Variants in KAT7 observed in about 807,000 individuals in gnomAD.
The protein encoded by KAT7 is lysine acetyltransferase 7.
KAT7 carries 10 observed loss-of-function variants against 82.1 expected under a neutral mutation model. The observed-to-expected ratio is 0.12, with a 90% CI of 0.08 to 0.21. KAT7 has a LOEUF of 0.21. Among genes scored for constraint, KAT7 ranks in the 10% least tolerant of loss-of-function variants. The pLI, the probability that KAT7 is intolerant of heterozygous loss-of-function variation, is 1.00. For missense variants in KAT7, 378 were observed against 760.9 expected (o/e 0.50, Z 5.92); for synonymous variants, 250 against 262.5 (o/e 0.95, Z 0.46).
At chr17:49,801,924 T>TA (rs1471436132) in intron 4 of KAT7, among the ~76,000 whole-genome samples, 1 of 152,252 alleles carries the variant, frequency 6.6e-6, no homozygotes, top group African/African-American at 2.4e-5. Context: ...GTGCCACAGA[T>TA]ACAAAACTTC....
At chr17:49,820,848 G>A (rs529167256) in intron 9 of KAT7, among the ~76,000 whole-genome samples, 3 of 151,502 alleles carry the variant, frequency 2.0e-5, no homozygotes, top group African/African-American at 4.9e-5. Context: ...GGGCAGACAG[G>A]TAGTGGTACA....
In KAT7 at chr17:49,826,690, C is replaced by T. The variant is rs371527140; in HGVS notation, c.1628-3C>T. On this transcript the variant is annotated splice_polypyrimidine_tract_variant and splice_region_variant and intron_variant, in intron 13 of 14. Transcript: ENST00000259021. ...CAGGTTGTCAGTACTTCTTCTGTTTCAGAAATCAGTCAGGAGACGGCTGTG... is the reference window on the plus strand; with the variant it reads ...CAGGTTGTCAGTACTTCTTCTGTTTTAGAAATCAGTCAGGAGACGGCTGTG... 6 of 1,607,476 alleles carry T rather than the reference C, an allele frequency of 3.7e-6. No homozygotes were observed. Among genetic ancestry groups the T allele is most frequent in the Non-Finnish European group, 5.1e-6 (6 of 1,176,068 alleles).
intron 11 of KAT7, among the ~76,000 whole-genome samples, chr17:49,822,506 C>T (rs560649028): frequency 3.6e-4 from 55 of 152,284 alleles, no homozygotes; most frequent in African/African-American, 1.3e-3. Flanking sequence ...GCTAGGATTA[C>T]AGGTGTGAGC....
Position 49,815,933 on chromosome 17 carries a change from A to G in KAT7, c.963+20A>G. On this transcript the variant is annotated intron_variant, in intron 8 of 14. Coordinates refer to ENST00000259021, the MANE Select transcript of KAT7 (RefSeq NM_007067.5). ...GATTTGGTGAGTATTAAAACCTCCA[A>G]ACTGAAGGCCGCTTGTGAAAGGTGC... The G allele has an allele frequency of 2.8e-6, 4 of 1,444,570 alleles. No homozygotes were observed. The highest frequency in any genetic ancestry group is 3.9e-6 in the Non-Finnish European group (4 of 1,026,270). The allele number at this position is 1,444,570 out of a possible 1,614,324, so 89.5% of individuals were successfully genotyped here.
intron 2 of KAT7, chr17:49,795,633 CA>C: frequency 4.1e-6 from 1 of 244,970 alleles, no homozygotes. Flanking sequence ...AGAAAAGGGA[CA>C]AAAAGAACAA....
In KAT7 at chr17:49,828,736, C is replaced by T. The variant is rs16963127; in HGVS notation, c.*1234C>T. 1,290 of 153,206 alleles carry T rather than the reference C, an allele frequency of 8.4e-3. 11 individuals are homozygous for T. The highest frequency in any genetic ancestry group is 0.012 in the African/African-American group (514 of 41,556). The allele number at this position is 153,206 out of a possible 1,614,324, so 9.5% of individuals were successfully genotyped here. A position where few individuals can be genotyped will look rare whatever the true frequency, so the allele number is the denominator to read the frequency against. On this transcript the variant is annotated 3_prime_UTR_variant, in exon 15 of 15. Coordinates refer to ENST00000259021, the MANE Select transcript of KAT7 (RefSeq NM_007067.5). ...CTAATTTCTCTCTAGCCCATTATAACCTGCTATCTTGGGGCAACTTTTGAT... is the reference window on the plus strand; with the variant it reads ...CTAATTTCTCTCTAGCCCATTATAATCTGCTATCTTGGGGCAACTTTTGAT...
At chr17:49,791,420 G>A (rs187529122) in intron 1 of KAT7, among the ~76,000 whole-genome samples, 3 of 152,310 alleles carry the variant, frequency 2.0e-5, no homozygotes, top group East Asian at 1.9e-4. Context: ...CACTTTGGGA[G>A]GCCAAGGCGG....
chr17:49,829,999 T>C lies in KAT7; in HGVS notation c.*2497T>C, dbSNP rs1034114182. The C allele has an allele frequency of 6.6e-6, 1 of 151,660 alleles. No homozygotes were observed. The highest frequency in any genetic ancestry group is 2.4e-5 in the African/African-American group (1 of 41,268). The allele number at this position is 151,660 out of a possible 1,614,324, so 9.4% of individuals were successfully genotyped here. Reference sequence around the variant, plus strand: ...TTCAAGTGATTCTTCTGTCTCAGCCTTCCGAATAGCTGGGATTACAGGTGC... The same window carrying C: ...TTCAAGTGATTCTTCTGTCTCAGCCCTCCGAATAGCTGGGATTACAGGTGC... On this transcript the variant is annotated 3_prime_UTR_variant, in exon 15 of 15. Transcript: ENST00000259021.
intron 5 of KAT7, among the ~76,000 whole-genome samples, chr17:49,806,359 G>A (rs2074091698): frequency 6.6e-6 from 1 of 152,204 alleles, no homozygotes; most frequent in African/African-American, 2.4e-5. Flanking sequence ...CAGCAAAGTA[G>A]TGTACTTTCC....
intron 9 of KAT7, among the ~76,000 whole-genome samples, chr17:49,819,026 T>C (rs2074269444): frequency 6.6e-6 from 1 of 152,174 alleles, no homozygotes; most frequent in Non-Finnish European, 1.5e-5. Context: ...CATGAGCCAC[T>C]GTGCCCAGCC....
At chr17:49,813,717 T>TA (rs1311157005) in intron 7 of KAT7, among the ~76,000 whole-genome samples, 4 of 152,328 alleles carry the variant, frequency 2.6e-5, no homozygotes, top group East Asian at 3.9e-4. Flanking sequence ...AGAGATGACT[T>TA]AAAGTATACT....
chr17:49,824,131 C>T (rs1567865245), intron 12 of KAT7, among the ~76,000 whole-genome samples: 1 of 152,014 alleles, frequency 6.6e-6, no homozygotes, highest in African/African-American at 2.4e-5. Flanking sequence ...GATGGTTGAC[C>T]AATATGTGAC....
intron 5 of KAT7, among the ~76,000 whole-genome samples, chr17:49,805,807 G>A (rs1280984627): frequency 6.6e-6 from 1 of 151,942 alleles, no homozygotes; most frequent in Non-Finnish European, 1.5e-5. Flanking sequence ...TTATGCATTC[G>A]GTTCTCTTCT....
At chr17:49,788,875 C>G in intron 1 of KAT7, 26 bp downstream of exon 1, 1 of 1,574,612 alleles carries the variant, frequency 6.4e-7, no homozygotes, top group South Asian at 1.1e-5. Context: ...GGAGGGATGG[C>G]GGGTTTCTAA....
Position 49,800,258 on chromosome 17 carries a change from G to T in KAT7, c.580+1700G>T, listed in dbSNP as rs371992019. Among the ~76,000 whole-genome samples, 9 of 152,082 alleles carry T rather than the reference G, an allele frequency of 5.9e-5. No homozygotes were observed. The South Asian group carries it at 1.5e-3, about 25-fold the overall frequency. The stretch of plus-strand genomic sequence containing the variant: ...GATCTCCTGACCTCGTGATCCGCCC[G>T]CCTTGGCCTCCCAAAGTGCTGGGAT... On this transcript the variant is annotated intron_variant, in intron 4 of 14. Coordinates refer to ENST00000259021, the MANE Select transcript of KAT7 (RefSeq NM_007067.5).
intron 4 of KAT7, among the ~76,000 whole-genome samples, chr17:49,799,116 T>G (rs2073991921): frequency 6.6e-6 from 1 of 152,222 alleles, no homozygotes; most frequent in Non-Finnish European, 1.5e-5. Context: ...ATTATATTCT[T>G]ATGAGTTTTA....
chr17:49,796,004 A>C lies in KAT7; in HGVS notation c.164-746A>C, dbSNP rs118105198. Among the ~76,000 whole-genome samples the C allele has an allele frequency of 5.1e-3, 769 of 151,914 alleles. 4 individuals are homozygous for C. Among genetic ancestry groups the C allele is most frequent in the Non-Finnish European group, 5.3e-3 (361 of 67,986 alleles). On this transcript the variant is annotated intron_variant, in intron 2 of 14. Coordinates refer to ENST00000259021, the MANE Select transcript of KAT7 (RefSeq NM_007067.5). Reference sequence around the variant, plus strand: ...AAAAAAAAAAGCACAAAAAAACTAAAACATATCTACATATATTTTTTAAAA... The same window carrying C: ...AAAAAAAAAAGCACAAAAAAACTAACACATATCTACATATATTTTTTAAAA...
chr17:49,800,532 T>C (rs1184740255), intron 4 of KAT7, among the ~76,000 whole-genome samples: 1 of 152,186 alleles, frequency 6.6e-6, no homozygotes, highest in Non-Finnish European at 1.5e-5. Context: ...GGGATCTGCT[T>C]GCCATGCATC....
At chr17:49,823,969 T>C (rs2074337068) in intron 12 of KAT7, among the ~76,000 whole-genome samples, 2 of 152,202 alleles carry the variant, frequency 1.3e-5, no homozygotes, top group Admixed American at 1.3e-4. Context: ...GTGTTCCTAA[T>C]CTCAGGAATA....
Sources: allele counts gnomAD v4.1 joint callset (sites outside exome capture counted in the v4.1 genomes callset), GRCh38; gene constraint gnomAD v4.1.1; transcripts MANE v1.5; gene names NCBI Gene and HGNC (gene_info 2026-07-23, HGNC 2026-07-21).